Variants in MYO3B observed in about 807,000 individuals in gnomAD.
The protein encoded by MYO3B is myosin IIIB, also known as myosin-IIIb.
A neutral mutation model predicts 174.6 loss-of-function variants in MYO3B; 156 were observed. The observed-to-expected ratio is 0.89, with a 90% CI of 0.78 to 1.02. MYO3B has a LOEUF of 1.02. MYO3B is among the 50% of genes least tolerant of loss of function. The probability of loss-of-function intolerance (pLI) is 0.00; values close to 1 mark genes in which losing one functional copy is unlikely to be tolerated. For missense variants in MYO3B, 1,632 were observed against 1,639.4 expected, an observed-to-expected ratio of 1.00 and a Z score of 0.08; for synonymous variants, 563 against 569.1, an observed-to-expected ratio of 0.99 and a Z score of 0.15.
At chr2:170,307,207 T>A (rs1441076446) in intron 7 of MYO3B, among the ~76,000 whole-genome samples, 2 of 129,882 alleles carry the variant, frequency 1.5e-5, no homozygotes, top group Admixed American at 1.8e-4. Flanking sequence ...CATGTCACTG[T>A]ACTCCAGCCT....
chr2:170,578,456 A>G (rs986064263), intron 32 of MYO3B, among the ~76,000 whole-genome samples: 5 of 152,260 alleles, frequency 3.3e-5, no homozygotes, highest in African/African-American at 1.2e-4. Flanking sequence ...TAAACAAACC[A>G]TATCAAAAGT....
chr2:170,363,712 T>G (rs915128251), intron 8 of MYO3B, among the ~76,000 whole-genome samples: 2 of 152,184 alleles, frequency 1.3e-5, no homozygotes, highest in African/African-American at 2.4e-5. Context: ...AGTGGATTGA[T>G]TTCCTTCAAG....
chr2:170,484,733 C>CT lies in MYO3B; in HGVS notation c.3015-13851dup, dbSNP rs536552072. 7.4e-4 allele frequency among the ~76,000 whole-genome samples: 112 copies of CT among 152,018 alleles called. 2 individuals are homozygous for CT. The highest frequency in any genetic ancestry group is 1.3e-3 in the Non-Finnish European group (91 of 67,952). ...GTCTAAGGATATAATGAATATATGG[C>CT]TTTTTTTTAGGCAGCAGATGGTGGC... On this transcript the variant is annotated intron_variant, in intron 25 of 34. Coordinates refer to ENST00000408978, the MANE Select transcript of MYO3B (RefSeq NM_138995.5).
chr2:170,473,219 T>G (rs1004900615), intron 25 of MYO3B, among the ~76,000 whole-genome samples: 5 of 144,798 alleles, frequency 3.5e-5, no homozygotes, highest in African/African-American at 1.3e-4. Flanking sequence ...CTCGGCTTAC[T>G]GCAAGCTTCG....
chr2:170,327,157 C>T (rs777498863), intron 7 of MYO3B, among the ~76,000 whole-genome samples: 5 of 152,174 alleles, frequency 3.3e-5, no homozygotes, highest in Admixed American at 6.5e-5. Context: ...GAGGCCAAGG[C>T]GGGCAGATCA....
At chr2:170,562,941 C>T (rs778782963) in intron 32 of MYO3B, among the ~76,000 whole-genome samples, 1 of 151,768 alleles carries the variant, frequency 6.6e-6, no homozygotes, top group Non-Finnish European at 1.5e-5. Flanking sequence ...TATGGCCTTT[C>T]CTCAAATCCT....
intron 7 of MYO3B, among the ~76,000 whole-genome samples, chr2:170,324,999 C>G (rs150865128): frequency 7.9e-5 from 12 of 152,224 alleles, no homozygotes; most frequent in Middle Eastern, 3.4e-3. Flanking sequence ...ACCACGGAGG[C>G]CCATAGTGAT....
At chr2:170,245,462 GTCT>G (rs1279397405) in intron 7 of MYO3B, among the ~76,000 whole-genome samples, 22 of 152,202 alleles carry the variant, frequency 1.4e-4, no homozygotes, top group Non-Finnish European at 3.1e-4. Flanking sequence ...ATGGAATGAT[GTCT>G]TCCTTCTGAG....
At chr2:170,632,679 A>C (rs993020058) in intron 32 of MYO3B, among the ~76,000 whole-genome samples, 1 of 152,204 alleles carries the variant, frequency 6.6e-6, no homozygotes, top group Admixed American at 6.5e-5. Flanking sequence ...CTTCAAAAAA[A>C]CCAACGAATC....
At chr2:170,290,255 T>C (rs1052505469) in intron 7 of MYO3B, among the ~76,000 whole-genome samples, 2 of 152,118 alleles carry the variant, frequency 1.3e-5, no homozygotes, top group Non-Finnish European at 2.9e-5. Context: ...TGGGTGATCT[T>C]TACATTACTG....
chr2:170,336,596 C>A (rs777948104), intron 8 of MYO3B, among the ~76,000 whole-genome samples: 9 of 152,038 alleles, frequency 5.9e-5, no homozygotes, highest in Non-Finnish European at 1.2e-4. Context: ...AACTGTGAGG[C>A]TATTTATAGT....
intron 6 of MYO3B, among the ~76,000 whole-genome samples, chr2:170,232,827 C>T (rs1447679664): frequency 6.6e-6 from 1 of 152,204 alleles, no homozygotes; most frequent in Non-Finnish European, 1.5e-5. Context: ...ATTTTATTAG[C>T]ATAATTTTCA....
chr2:170,373,566 G>A (rs1169899565), intron 9 of MYO3B, among the ~76,000 whole-genome samples: 1 of 152,170 alleles, frequency 6.6e-6, no homozygotes, highest in African/African-American at 2.4e-5. Flanking sequence ...GCAGGATGCA[G>A]GGAAGAATGC....
intron 32 of MYO3B, among the ~76,000 whole-genome samples, chr2:170,632,637 G>C (rs891187748): frequency 8.6e-5 from 13 of 151,980 alleles, no homozygotes; most frequent in Admixed American, 5.2e-4. Flanking sequence ...AAGATCAGAG[G>C]AGAACTGAAA....
At chr2:170,474,194 G>C (rs1685165255) in intron 25 of MYO3B, among the ~76,000 whole-genome samples, 1 of 152,096 alleles carries the variant, frequency 6.6e-6, no homozygotes, top group Admixed American at 6.5e-5. Flanking sequence ...GATGGTCCCT[G>C]GATGCTCCTA....
At chr2:170,431,626 G>T (rs2094709752) in intron 22 of MYO3B, among the ~76,000 whole-genome samples, 1 of 152,220 alleles carries the variant, frequency 6.6e-6, no homozygotes, top group African/African-American at 2.4e-5. Context: ...TAAAATGCCA[G>T]ACAATTACCA....
intron 7 of MYO3B, among the ~76,000 whole-genome samples, chr2:170,331,825 A>G (rs376513412): frequency 6.6e-6 from 1 of 152,118 alleles, no homozygotes; most frequent in Non-Finnish European, 1.5e-5. Flanking sequence ...TCCTTGGCTC[A>G]TGGCCACTTC....
At chr2:170,385,330 G>T (rs2094366103) in intron 12 of MYO3B, among the ~76,000 whole-genome samples, 1 of 152,108 alleles carries the variant, frequency 6.6e-6, no homozygotes, top group African/African-American at 2.4e-5. Flanking sequence ...TCTTTCTAAT[G>T]ACCAGTCTGA....
intron 32 of MYO3B, among the ~76,000 whole-genome samples, chr2:170,591,506 A>G (rs1693816694): frequency 6.6e-6 from 1 of 152,240 alleles, no homozygotes; most frequent in South Asian, 2.1e-4. Context: ...GGTTAGTGAC[A>G]GCAAAGGGTG....
Sources: allele counts gnomAD v4.1 joint callset (sites outside exome capture counted in the v4.1 genomes callset), GRCh38; gene constraint gnomAD v4.1.1; transcripts MANE v1.5; gene names NCBI Gene and HGNC (gene_info 2026-07-23, HGNC 2026-07-21).